The following ICA1 variants were observed in gnomAD, a reference collection of about 807,000 sequenced individuals.
ICA1 encodes the protein islet cell autoantigen 1.
In ICA1, 40 loss-of-function variants were observed where a neutral mutation model predicts 71.0. That is an observed-to-expected ratio of 0.56 (90% CI 0.44 to 0.73). The LOEUF (loss-of-function observed/expected upper bound fraction) is 0.73. ICA1 is among the 30% of genes least tolerant of loss of function. The pLI is 0.00. For missense variants in ICA1, 578 were observed against 576.5 expected, an observed-to-expected ratio of 1.00 and a Z score of -0.03; for synonymous variants, 207 against 209.5, an observed-to-expected ratio of 0.99 and a Z score of 0.10.
Position 8,156,776 on chromosome 7 carries a change from G to C in ICA1, c.804+340C>G, listed in dbSNP as rs982339416. The C allele has an allele frequency of 2.1e-6, 3 of 1,436,804 alleles. No homozygotes were observed. In the African/African-American group the frequency reaches 4.3e-5, roughly 21 times the overall value. The allele number at this position is 1,436,804 out of a possible 1,614,324, so 89.0% of individuals were successfully genotyped here. A position where few individuals can be genotyped will look rare whatever the true frequency, so the allele number is the denominator to read the frequency against. On this transcript the variant is annotated intron_variant, in intron 8 of 13. Coordinates refer to ENST00000402384, the MANE Select transcript of ICA1 (RefSeq NM_001136020.3). Reference sequence around the variant, plus strand: ...TGGGACTTGTACAATCTCCCCTTTAGCAATGTCAAACAAGTATTTTAAAGG... The same window carrying C: ...TGGGACTTGTACAATCTCCCCTTTACCAATGTCAAACAAGTATTTTAAAGG...
chr7:8,232,748 G>A lies in ICA1; in HGVS notation c.25C>T (p.Pro9Ser), dbSNP rs1800641696. The change falls in exon 3 of 14, where the codon CCC (proline) becomes TCC (serine). Residue 9 changes from proline (P) to serine (S), a missense_variant. By Grantham distance (74) the Pro-to-Ser change is moderately conservative (BLOSUM62 -1). Transcript: ENST00000402384. Reference sequence around the variant, plus strand: ...GCATATCGATCCTGTAAGTCCCAGGGATAACTGCTAAAAACATTTAAAGAA... The same window carrying A: ...GCATATCGATCCTGTAAGTCCCAGGAATAACTGCTAAAAACATTTAAAGAA... MSGHKCSY[P>S]WDLQDRYAQD... is the part of the protein sequence containing the mutation. The A allele has an allele frequency of 6.3e-7, 1 of 1,589,492 alleles. No homozygotes were observed. Among genetic ancestry groups the A allele is most frequent in the South Asian group, 1.2e-5 (1 of 85,308 alleles).
chr7:8,237,573 A>G (rs574050683), intron 1 of ICA1, among the ~76,000 whole-genome samples: 2 of 152,226 alleles, frequency 1.3e-5, no homozygotes, highest in African/African-American at 4.8e-5. Context: ...GAAATTCTAC[A>G]CCCATTGAAC....
rs112352602 is a variant in ICA1 at position 8,146,882 on chromosome 7, G to A, written c.805-2910C>T. ...TACACACACACACACACACACACAC[G>A]CACACACACACACACACACACACAC... On this transcript the variant is annotated intron_variant, in intron 8 of 13. Coordinates refer to ENST00000402384, the MANE Select transcript of ICA1 (RefSeq NM_001136020.3). 2.8e-3 allele frequency among the ~76,000 whole-genome samples: 388 copies of A among 139,336 alleles called. 1 individual carries two copies. Among genetic ancestry groups the A allele is most frequent in the South Asian group, 0.017 (69 of 4,104 alleles). The allele number at this position is 139,336 out of a possible 152,430, so 91.4% of individuals were successfully genotyped here. A position where few individuals can be genotyped will look rare whatever the true frequency, so the allele number is the denominator to read the frequency against.
intron 6 of ICA1, among the ~76,000 whole-genome samples, chr7:8,184,835 GAGGCCAGGGC>G (rs1386184506): frequency 6.6e-6 from 1 of 152,194 alleles, no homozygotes. Flanking sequence ...AGCACTTTGG[GAGGCCAGGGC>G]GGGCAGATCA....
chr7:8,211,081 C>A (rs1461913880), intron 6 of ICA1, among the ~76,000 whole-genome samples: 2 of 152,318 alleles, frequency 1.3e-5, no homozygotes, highest in South Asian at 4.1e-4. Flanking sequence ...GTGTGACAAA[C>A]TGTCAGACAA....
chr7:8,161,724 T>C (rs747845563), intron 6 of ICA1, among the ~76,000 whole-genome samples: 22 of 152,134 alleles, frequency 1.4e-4, no homozygotes, highest in Non-Finnish European at 2.9e-4. Context: ...CTCTGAGATA[T>C]GTGAGGGAGC....
chr7:8,245,670 AATT>A (rs1305017293), intron 1 of ICA1, among the ~76,000 whole-genome samples: 3 of 152,166 alleles, frequency 2.0e-5, no homozygotes, highest in African/African-American at 7.2e-5. Context: ...AATATATCTA[AATT>A]ATTATTTCAA....
chr7:8,114,832 T>C (rs896980746), intron 13 of ICA1: 3 of 152,250 alleles, frequency 2.0e-5, no homozygotes, highest in African/African-American at 7.2e-5. Flanking sequence ...CATGAGAATC[T>C]AAGTTCATTG....
Position 8,113,695 on chromosome 7 carries a change from G to A in ICA1, c.*228C>T, listed in dbSNP as rs1299567751. ...GCAGGAGAGCGGTGGCCTGGAAACC[G>A]CTTCTAGACAATCCTGTATTATTTA... On this transcript the variant is annotated 3_prime_UTR_variant, in exon 14 of 14. Transcript: ENST00000402384. This position sits in a 1 kb window ranked among gnomAD's most constrained non-coding sequence, Gnocchi z 4.2. 4 of 405,918 alleles carry A rather than the reference G, an allele frequency of 9.9e-6. No homozygotes were observed. Among genetic ancestry groups the A allele is most frequent in the African/African-American group, 2.0e-5 (1 of 49,546 alleles). The allele number at this position is 405,918 out of a possible 1,614,324, so 25.1% of individuals were successfully genotyped here.
At chr7:8,193,445 C>G (rs533489790) in intron 6 of ICA1, among the ~76,000 whole-genome samples, 1 of 152,136 alleles carries the variant, frequency 6.6e-6, no homozygotes, top group Non-Finnish European at 1.5e-5. Flanking sequence ...CTGGAATGCA[C>G]GAAGAATAGT....
intron 3 of ICA1, among the ~76,000 whole-genome samples, chr7:8,231,645 A>C (rs1027564464): frequency 6.6e-6 from 1 of 152,198 alleles, no homozygotes; most frequent in Non-Finnish European, 1.5e-5. Flanking sequence ...GCCCAGATCC[A>C]TCTCACAGGG....
chr7:8,139,026 A>G lies in ICA1; in HGVS notation c.977T>C (p.Leu326Ser). 6.2e-7 allele frequency: 1 copy of G among 1,613,562 alleles called. No individual in the cohort carries two copies. The highest frequency in any genetic ancestry group is 8.5e-7 in the Non-Finnish European group (1 of 1,179,534). ...SFKTEDGKSI[L>S]SALDKGSTHT... Reference sequence around the variant, plus strand: ...TGTAGAGCCTTTGTCTAAGGCAGATAAAATACTTTTTCCATCTTCAGCTGT... The same window carrying G: ...TGTAGAGCCTTTGTCTAAGGCAGATGAAATACTTTTTCCATCTTCAGCTGT... The change falls in exon 11 of 14, where the codon TTA (leucine) becomes TCA (serine). Residue 326 changes from leucine to serine, a missense_variant. Coordinates refer to ENST00000402384, the MANE Select transcript of ICA1 (RefSeq NM_001136020.3).
At chr7:8,214,549 T>A (rs1794795450) in intron 6 of ICA1, among the ~76,000 whole-genome samples, 1 of 152,198 alleles carries the variant, frequency 6.6e-6, no homozygotes, top group Non-Finnish European at 1.5e-5. Context: ...TCTCCAGGTA[T>A]CCCGTCCCTC....
intron 13 of ICA1, among the ~76,000 whole-genome samples, chr7:8,124,663 G>C (rs1788445624): frequency 6.6e-6 from 1 of 152,156 alleles, no homozygotes. Context: ...AAGCTGAATG[G>C]TCTGCTTGTT....
At chr7:8,168,338 A>G (rs979285688) in intron 6 of ICA1, among the ~76,000 whole-genome samples, 2 of 152,118 alleles carry the variant, frequency 1.3e-5, no homozygotes, top group Non-Finnish European at 2.9e-5. Flanking sequence ...TTTATCAGAT[A>G]CCACCTATTA....
intron 4 of ICA1, among the ~76,000 whole-genome samples, chr7:8,225,186 G>A (rs1226467286): frequency 1.3e-5 from 2 of 152,126 alleles, no homozygotes; most frequent in Non-Finnish European, 1.5e-5. Context: ...AATTCTCACT[G>A]TGGTGTTTGC....
chr7:8,119,351 C>T (rs778449590), intron 13 of ICA1, among the ~76,000 whole-genome samples: 7 of 152,068 alleles, frequency 4.6e-5, no homozygotes, highest in African/African-American at 1.7e-4. Flanking sequence ...AAAACATGCA[C>T]GACACTCAGC....
At chr7:8,206,916 C>G (rs1432071300) in intron 6 of ICA1, among the ~76,000 whole-genome samples, 6 of 152,160 alleles carry the variant, frequency 3.9e-5, no homozygotes. Context: ...AGTCCGTTCG[C>G]CTGAACCTCT....
chr7:8,177,969 T>G (rs1348498187), intron 6 of ICA1, among the ~76,000 whole-genome samples: 1 of 152,170 alleles, frequency 6.6e-6, no homozygotes, highest in Admixed American at 6.5e-5. Context: ...TTCCCAGACA[T>G]CCAGGGTAAA....
Sources: allele counts gnomAD v4.1 joint callset (sites outside exome capture counted in the v4.1 genomes callset), GRCh38; gene constraint gnomAD v4.1.1; non-coding constraint Gnocchi (gnomAD v3.1); transcripts MANE v1.5; gene names NCBI Gene and HGNC (gene_info 2026-07-23, HGNC 2026-07-21).